Variants in DAB1 observed in about 807,000 individuals in gnomAD.
The protein encoded by DAB1 is disabled homolog 1.
Under a neutral mutation model 64.6 loss-of-function variants are expected in DAB1, and 15 were observed. That is an observed-to-expected ratio of 0.23 (90% CI 0.16 to 0.36). The LOEUF (loss-of-function observed/expected upper bound fraction) is 0.36, where lower values mean the gene tolerates loss of function less well. Ranked by LOEUF, DAB1 falls within the 10% of genes least tolerant of loss-of-function variation. The probability of loss-of-function intolerance (pLI) is 1.00; values close to 1 mark genes in which losing one functional copy is unlikely to be tolerated. For synonymous variants in DAB1, 235 were observed against 251.9 expected, an observed-to-expected ratio of 0.93 and a Z score of 0.64; for missense variants, 596 against 706.7, an observed-to-expected ratio of 0.84 and a Z score of 1.78.
chr1:57,059,036 T>C (rs1483959029), intron 9 of DAB1, among the ~76,000 whole-genome samples: 1 of 152,176 alleles, frequency 6.6e-6, no homozygotes, highest in Non-Finnish European at 1.5e-5. Flanking sequence ...TAAGGAAGGC[T>C]TTCCAGAGAG....
intron 7 of DAB1, among the ~76,000 whole-genome samples, chr1:57,439,622 G>GT (rs749965819): frequency 0.22 from 23,639 of 108,510 alleles, 3,315 homozygotes; most frequent in African/African-American, 0.33. Flanking sequence ...TAGAGACGGG[G>GT]TTCACCATGT....
intron 7 of DAB1, among the ~76,000 whole-genome samples, chr1:57,606,507 A>ATATTATATATTATATATGAAAT (rs1428440320): frequency 1.5e-5 from 1 of 68,902 alleles, no homozygotes; most frequent in African/African-American, 8.3e-5. Flanking sequence ...TATAATATAT[A>ATATTATATATTATATATGAAAT]ATATAATATA....
chr1:57,992,078 T>C (rs535348643), intron 5 of DAB1, among the ~76,000 whole-genome samples: 2 of 152,106 alleles, frequency 1.3e-5, no homozygotes, highest in African/African-American at 2.4e-5. Context: ...ATTCCTTTTT[T>C]ACCGACTATG....
At chr1:58,142,527 C>G (rs1654346623) in intron 5 of DAB1, among the ~76,000 whole-genome samples, 1 of 152,160 alleles carries the variant, frequency 6.6e-6, no homozygotes, top group African/African-American at 2.4e-5. Flanking sequence ...TCATTCCTGG[C>G]CCCCATAAGA....
intron 2 of DAB1, among the ~76,000 whole-genome samples, chr1:57,239,001 A>G (rs566835132): frequency 6.6e-6 from 1 of 152,256 alleles, no homozygotes; most frequent in South Asian, 2.1e-4. Context: ...ATCATAGAAG[A>G]AAATACTTCT....
intron 5 of DAB1, among the ~76,000 whole-genome samples, chr1:58,082,999 G>T (rs771659941): frequency 3.3e-5 from 5 of 152,162 alleles, no homozygotes; most frequent in Non-Finnish European, 7.4e-5. Context: ...CTTCAAGAAA[G>T]CTCTAACTTG....
intron 4 of DAB1, among the ~76,000 whole-genome samples, chr1:58,263,851 C>G (rs1661103117): frequency 6.6e-6 from 1 of 152,186 alleles, no homozygotes; most frequent in African/African-American, 2.4e-5. Flanking sequence ...TATCCCTTAT[C>G]TCATTTCTTA....
At chr1:58,291,852 T>C (rs1467198050) in intron 4 of DAB1, among the ~76,000 whole-genome samples, 1 of 152,200 alleles carries the variant, frequency 6.6e-6, no homozygotes. Flanking sequence ...TGATGGTTAA[T>C]TGTATGTATC....
intron 4 of DAB1, among the ~76,000 whole-genome samples, chr1:58,313,856 T>TGTGTGTGA (rs369709762): frequency 0.018 from 1,960 of 111,990 alleles, 66 homozygotes; most frequent in African/African-American, 0.057. Flanking sequence ...TGTGTGTGTG[T>TGTGTGTGA]GAGAGAGAGA....
intron 6 of DAB1, among the ~76,000 whole-genome samples, chr1:57,676,427 C>T (rs1646566740): frequency 1.3e-5 from 2 of 152,154 alleles, no homozygotes; most frequent in Admixed American, 1.3e-4. Flanking sequence ...TCAAATTAAA[C>T]ATATGAAACA....
chr1:57,457,695 T>A (rs527483784), intron 7 of DAB1, among the ~76,000 whole-genome samples: 40 of 152,156 alleles, frequency 2.6e-4, no homozygotes, highest in African/African-American at 9.4e-4. Flanking sequence ...GAACTGACAC[T>A]GGGAACAATG....
At chr1:57,062,218 T>C (rs1252889920) in intron 9 of DAB1, among the ~76,000 whole-genome samples, 1 of 152,180 alleles carries the variant, frequency 6.6e-6, no homozygotes, top group Non-Finnish European at 1.5e-5. Context: ...GACCTTGTTG[T>C]CCTTAATGTG....
chr1:57,571,076 T>C (rs1570638096), intron 7 of DAB1, among the ~76,000 whole-genome samples: 1 of 152,226 alleles, frequency 6.6e-6, no homozygotes, highest in East Asian at 1.9e-4. Flanking sequence ...ATTGCTGAAT[T>C]CATTTATCTG....
intron 5 of DAB1, among the ~76,000 whole-genome samples, chr1:57,955,541 T>A (rs1645372796): frequency 7.3e-6 from 1 of 136,626 alleles, no homozygotes; most frequent in Admixed American, 7.6e-5. Flanking sequence ...TCATTTTCTG[T>A]TTCACTTTCA....
At chr1:57,658,127 C>A (rs1646339730) in intron 6 of DAB1, among the ~76,000 whole-genome samples, 1 of 152,076 alleles carries the variant, frequency 6.6e-6, no homozygotes, top group African/African-American at 2.4e-5. Context: ...CACATGGGGC[C>A]ACCTTGGAGG....
At chr1:58,428,449 CAATAA>C (rs540077037) in intron 3 of DAB1, among the ~76,000 whole-genome samples, 36 of 152,138 alleles carry the variant, frequency 2.4e-4, no homozygotes, top group Admixed American at 1.2e-3. Flanking sequence ...AAATAAATTG[CAATAA>C]AATAAAACAA....
chr1:57,675,516 T>C (rs1646555901), intron 6 of DAB1, among the ~76,000 whole-genome samples: 1 of 152,212 alleles, frequency 6.6e-6, no homozygotes, highest in African/African-American at 2.4e-5. Flanking sequence ...ATCACAACTA[T>C]CTCTATGTCC....
intron 2 of DAB1, among the ~76,000 whole-genome samples, chr1:57,250,619 T>A (rs1669262480): frequency 6.6e-6 from 1 of 152,210 alleles, no homozygotes; most frequent in Admixed American, 6.5e-5. Context: ...AATTTTTAAT[T>A]TCCCTATACT....
At chr1:57,125,433 T>C (rs1161001986) in intron 4 of DAB1, among the ~76,000 whole-genome samples, 1 of 152,220 alleles carries the variant, frequency 6.6e-6, no homozygotes, top group African/African-American at 2.4e-5. Context: ...GCATAAGATA[T>C]TATACTTCTT....
Sources: gnomAD v4.1 joint callset for allele counts (sites outside exome capture counted in the v4.1 genomes callset) on GRCh38, gnomAD v4.1.1 for gene constraint, MANE v1.5 for transcripts, NCBI Gene and HGNC (gene_info 2026-07-23, HGNC 2026-07-21) for gene names.